Variants in KCNH7 observed in about 807,000 individuals in gnomAD.
KCNH7 encodes potassium voltage-gated channel subfamily H member 7.
KCNH7 carries 49 observed loss-of-function variants against 120.8 expected under a neutral mutation model. That is an observed-to-expected ratio of 0.41 (90% CI 0.32 to 0.51). KCNH7 has a LOEUF of 0.51. Ranked by LOEUF, KCNH7 falls within the 20% of genes least tolerant of loss-of-function variation. KCNH7 has a pLI of 0.38. For missense variants in KCNH7, 1,097 were observed against 1,446.6 expected (o/e 0.76, Z 3.92); for synonymous variants, 547 against 516.1 (o/e 1.06, Z -0.81).
intron 2 of KCNH7, among the ~76,000 whole-genome samples, chr2:162,670,908 G>A (rs2105295790): frequency 6.6e-6 from 1 of 151,924 alleles, no homozygotes; most frequent in African/African-American, 2.4e-5. Flanking sequence ...ACAAGTTAAA[G>A]TAAAAGAGTA....
At chr2:162,568,079 A>T (rs1443742414) in intron 2 of KCNH7, among the ~76,000 whole-genome samples, 1 of 151,978 alleles carries the variant, frequency 6.6e-6, no homozygotes, top group Non-Finnish European at 1.5e-5. Flanking sequence ...CATGGTGGAA[A>T]GTGGAGCAAA....
chr2:162,450,301 C>A (rs538004136), intron 6 of KCNH7, among the ~76,000 whole-genome samples: 1 of 151,990 alleles, frequency 6.6e-6, no homozygotes, highest in East Asian at 1.9e-4. Context: ...TCCAATACGC[C>A]CATTGACACA....
At chr2:162,516,470 C>A (rs1217065363) in intron 4 of KCNH7, among the ~76,000 whole-genome samples, 1 of 151,682 alleles carries the variant, frequency 6.6e-6, no homozygotes, top group Non-Finnish European at 1.5e-5. Context: ...CAAATTATAT[C>A]TGTGCAGATG....
intron 2 of KCNH7, among the ~76,000 whole-genome samples, chr2:162,630,663 G>A (rs1441443945): frequency 6.6e-6 from 1 of 152,004 alleles, no homozygotes; most frequent in Non-Finnish European, 1.5e-5. Flanking sequence ...ATTAATAGAT[G>A]TTGTTCAAAG....
chr2:162,402,129 T>C (rs1287431562), intron 9 of KCNH7, among the ~76,000 whole-genome samples: 1 of 151,406 alleles, frequency 6.6e-6, no homozygotes, highest in Non-Finnish European at 1.5e-5. Flanking sequence ...ACTGGACTCC[T>C]TCCAGGTTCC....
intron 3 of KCNH7, among the ~76,000 whole-genome samples, chr2:162,528,779 C>A (rs1010621210): frequency 6.6e-6 from 1 of 151,900 alleles, no homozygotes. Context: ...AGCAGGAATA[C>A]TAATTGTGAG....
intron 7 of KCNH7, among the ~76,000 whole-genome samples, chr2:162,439,262 G>C (rs1208317167): frequency 6.6e-6 from 1 of 151,956 alleles, no homozygotes; most frequent in Admixed American, 6.6e-5. Flanking sequence ...ACTGGTATTA[G>C]AAAAATATTG....
chr2:162,836,861 A>T, intron 1 of KCNH7, 94 bp from the exon 2 acceptor site: 1 of 820,826 alleles, frequency 1.2e-6, no homozygotes, highest in South Asian at 1.7e-5. Context: ...GAGCTCTGAA[A>T]TGCAGGTGCC....
rs141345774 is a variant in KCNH7 at position 162,413,639 on chromosome 2, G to C, written c.2154+9697C>G. Among the ~76,000 whole-genome samples the C allele has an allele frequency of 2.4e-4, 36 of 152,166 alleles. 1 individual carries two copies. The highest frequency in any genetic ancestry group is 8.4e-4 in the African/African-American group (35 of 41,552). ...AACTAGATTTCAAACAGATTGTGGAGTTTTCTTTCTAATCATATACCAAAT... is the reference window on the plus strand; with the variant it reads ...AACTAGATTTCAAACAGATTGTGGACTTTTCTTTCTAATCATATACCAAAT... On this transcript the variant is annotated intron_variant, in intron 9 of 15. Transcript: ENST00000332142.
At chr2:162,694,198 C>T (rs1437840929) in intron 2 of KCNH7, among the ~76,000 whole-genome samples, 3 of 152,114 alleles carry the variant, frequency 2.0e-5, no homozygotes, top group South Asian at 2.1e-4. Flanking sequence ...AGAACTCTCA[C>T]CCATGCTTCA....
At chr2:162,602,802 A>G (rs1694600828) in intron 2 of KCNH7, among the ~76,000 whole-genome samples, 1 of 152,006 alleles carries the variant, frequency 6.6e-6, no homozygotes. Flanking sequence ...GTAAAGGTAA[A>G]AGCTGAAAAT....
At chr2:162,724,482 C>T (rs1292834003) in intron 2 of KCNH7, among the ~76,000 whole-genome samples, 2 of 151,418 alleles carry the variant, frequency 1.3e-5, no homozygotes, top group Non-Finnish European at 2.9e-5. Context: ...ACCATCCCGG[C>T]TAAAAAGGTG....
At position 162,446,196 on chromosome 2, in the gene KCNH7, T is replaced by A; in HGVS notation, c.1376A>T (p.Asp459Val). 1 of 1,613,636 alleles carries A rather than the reference T, an allele frequency of 6.2e-7. No individual in the cohort carries two copies. Among genetic ancestry groups the A allele is most frequent in the Non-Finnish European group, 8.5e-7 (1 of 1,179,676 alleles). Residue 459 changes from aspartate to valine, a missense_variant, in exon 7 of 16, where the codon GAT (aspartate) becomes GTT (valine). Around this residue, in one of 8 missense-constraint regions of KCNH7, gnomAD observed 109 missense variants for 196.8 expected, o/e 0.55. Transcript: ENST00000332142. ...SPLNVVDLIVDIMFIIDILIN... is the reference protein window; with the variant it reads ...SPLNVVDLIVVIMFIIDILIN... ...TAAAATATCTATGATAAACATAATA[T>A]CCACAATCAAGTCTACCACATTCAA...
chr2:162,529,510 G>T (rs1224770695), intron 3 of KCNH7, among the ~76,000 whole-genome samples: 1 of 151,886 alleles, frequency 6.6e-6, no homozygotes, highest in Non-Finnish European at 1.5e-5. Context: ...CTAGATTCAT[G>T]CTATAGAAGA....
intron 2 of KCNH7, among the ~76,000 whole-genome samples, chr2:162,589,890 G>A (rs1694151139): frequency 6.6e-6 from 1 of 152,050 alleles, no homozygotes; most frequent in African/African-American, 2.4e-5. Flanking sequence ...GGGTACGTAT[G>A]TTCCCTTAAA....
intron 7 of KCNH7, among the ~76,000 whole-genome samples, chr2:162,443,799 C>A (rs1422840281): frequency 6.6e-6 from 1 of 152,144 alleles, no homozygotes; most frequent in Non-Finnish European, 1.5e-5. Context: ...TAAGAAATCC[C>A]ACATATCTAG....
chr2:162,835,641 TATAG>T (rs1685636408), intron 2 of KCNH7, among the ~76,000 whole-genome samples: 2 of 151,666 alleles, frequency 1.3e-5, no homozygotes, highest in Admixed American at 1.3e-4. Context: ...GATATAGATT[TATAG>T]ATATTCAGGA....
intron 2 of KCNH7, among the ~76,000 whole-genome samples, chr2:162,737,921 C>A (rs1478780618): frequency 6.6e-6 from 1 of 151,812 alleles, no homozygotes; most frequent in Non-Finnish European, 1.5e-5. Context: ...AAAAATTAGC[C>A]ACGTATGGTG....
chr2:162,546,786 T>G (rs1692495339), intron 2 of KCNH7, among the ~76,000 whole-genome samples: 1 of 152,094 alleles, frequency 6.6e-6, no homozygotes, highest in South Asian at 2.1e-4. Flanking sequence ...GGTACTACTG[T>G]GTAAAAAGTA....
Sources: allele counts gnomAD v4.1 joint callset (sites outside exome capture counted in the v4.1 genomes callset), GRCh38; gene constraint gnomAD v4.1.1; regional missense constraint gnomAD v4.1.1; transcripts MANE v1.5; gene names NCBI Gene and HGNC (gene_info 2026-07-23, HGNC 2026-07-21).